Variants in DIAPH2 observed in about 807,000 individuals in gnomAD.
The protein encoded by DIAPH2 is protein diaphanous homolog 2.
In DIAPH2, 35 loss-of-function variants were observed where a neutral mutation model predicts 92.7. The ratio of observed to expected loss-of-function variants is 0.38; its 90% confidence interval spans 0.29 to 0.50. The LOEUF (loss-of-function observed/expected upper bound fraction) is 0.50. DIAPH2 is among the 20% of genes least tolerant of loss of function. The pLI, the probability that DIAPH2 is intolerant of heterozygous loss-of-function variation, is 0.94. For synonymous variants in DIAPH2, 301 were observed against 280.4 expected (o/e 1.07, Z -0.73); for missense variants, 701 against 819.5 (o/e 0.86, Z 1.77).
At chrX:97,237,254 C>T (rs1310360325) in intron 22 of DIAPH2, among the ~76,000 whole-genome samples, 1 of 112,054 alleles carries the variant, frequency 8.9e-6, no homozygotes, top group Admixed American at 9.5e-5. Flanking sequence ...TGACAACCTA[C>T]ACTTTTATCA....
At chrX:97,070,314 A>C (rs11092135) in intron 17 of DIAPH2, among the ~76,000 whole-genome samples, 34,421 of 110,631 alleles carry the variant, frequency 0.31, 4,893 homozygotes, top group South Asian at 0.52. Context: ...TCAAAACTTA[A>C]AAAAACTTTT....
intron 25 of DIAPH2, among the ~76,000 whole-genome samples, chrX:97,426,128 ACTC>A (rs1176989661): frequency 1.8e-5 from 2 of 109,174 alleles, no homozygotes; most frequent in African/African-American, 3.3e-5. Flanking sequence ...GGTCATCTAA[ACTC>A]CTCTCCTTAA....
At position 96,773,225 on chromosome X, in the gene DIAPH2, G is replaced by A. The variant is rs940663043; in HGVS notation, c.447+14967G>A. ...GGAATGAGAAAAGCTATGTGTTACC[G>A]GCTGAATTGTTTCCCCCCCCCTCCC... On this transcript the variant is annotated intron_variant, in intron 4 of 26. Transcript: ENST00000324765. Among the ~76,000 whole-genome samples the A allele has an allele frequency of 1.7e-4, 18 of 105,493 alleles. 1 individual carries two copies. Among genetic ancestry groups the A allele is most frequent in the African/African-American group, 5.5e-4 (16 of 29,012 alleles). The allele number at this position is 105,493 out of a possible 115,157, so 91.6% of individuals were successfully genotyped here.
chrX:96,874,788 T>A (rs1244794448), intron 4 of DIAPH2, among the ~76,000 whole-genome samples: 2 of 112,214 alleles, frequency 1.8e-5, no homozygotes, highest in Non-Finnish European at 3.8e-5. Context: ...GAGTAATTAT[T>A]TGAAATTATT....
At chrX:97,220,519 G>A (rs1016918332) in intron 22 of DIAPH2, among the ~76,000 whole-genome samples, 10 of 111,684 alleles carry the variant, frequency 9.0e-5, no homozygotes, top group South Asian at 3.8e-4. Context: ...CCACCCCATC[G>A]CAGATTACAG....
chrX:96,858,918 A>C (rs1414622797), intron 4 of DIAPH2, among the ~76,000 whole-genome samples: 1 of 111,763 alleles, frequency 8.9e-6, no homozygotes, highest in Non-Finnish European at 1.9e-5. Flanking sequence ...ACAACCAAGA[A>C]AAACTTGTTA....
intron 4 of DIAPH2, among the ~76,000 whole-genome samples, chrX:96,857,449 A>G (rs912451171): frequency 4.4e-5 from 5 of 112,568 alleles, no homozygotes; most frequent in African/African-American, 1.6e-4. Flanking sequence ...GTGTTTCAAA[A>G]TATTATTTCT....
At position 96,949,025 on chromosome X, in the gene DIAPH2, C is replaced by G. The variant is rs375631693; in HGVS notation, c.1600C>G (p.Gln534Glu). 9.3e-6 allele frequency: 11 copies of G among 1,185,050 alleles called. No homozygotes were observed. The highest frequency in any genetic ancestry group is 1.3e-5 in the Non-Finnish European group (11 of 877,050). ...CAAAGAACTTGAAGCAGAAATCCAG[C>G]AACTTCGAACCCAGGTAATGAAAGA... Reference protein sequence around the residue: ...KIKELEAEIQQLRTQAQVLSS... With the variant: ...KIKELEAEIQELRTQAQVLSS... Residue 534 changes from glutamine (Q) to glutamate (E), a missense_variant, in exon 15 of 27, where the codon CAA becomes GAA. This residue lies in a region of DIAPH2 where 536 missense variants were observed against 599.3 expected (regional missense o/e 0.89). Coordinates refer to ENST00000324765, the MANE Select transcript of DIAPH2 (RefSeq NM_006729.5).
At chrX:97,251,435 C>CT (rs754141574) in intron 23 of DIAPH2, among the ~76,000 whole-genome samples, 1,948 of 98,978 alleles carry the variant, frequency 0.02, 42 homozygotes, top group African/African-American at 0.065. Flanking sequence ...GTGAAGGTCT[C>CT]TTTTTTTTTT....
intron 4 of DIAPH2, among the ~76,000 whole-genome samples, chrX:96,865,626 G>A (rs1036180584): frequency 3.6e-5 from 4 of 112,137 alleles, no homozygotes; most frequent in African/African-American, 1.3e-4. Context: ...GCCCCTGGAA[G>A]GAGTCCAAAT....
In DIAPH2 at chrX:96,782,263, C is replaced by A. The variant is rs189417066; in HGVS notation, c.447+24005C>A. 1.5e-3 allele frequency among the ~76,000 whole-genome samples: 157 copies of A among 108,218 alleles called. 1 individual carries two copies. Among genetic ancestry groups the A allele is most frequent in the African/African-American group, 5.2e-3 (153 of 29,640 alleles). 94.0% of individuals were successfully genotyped at this position (108,218 alleles called of 115,157 possible). A position where few individuals can be genotyped will look rare whatever the true frequency, so the allele number is the denominator to read the frequency against. ...ACAGGTGCATGCCACCACACCCGGC[C>A]AATTGTTTTGTATTTTTGTTTGTTT... On this transcript the variant is annotated intron_variant, in intron 4 of 26. Coordinates refer to ENST00000324765, the MANE Select transcript of DIAPH2 (RefSeq NM_006729.5).
At chrX:96,908,889 G>A (rs951317968) in intron 5 of DIAPH2, among the ~76,000 whole-genome samples, 6 of 111,917 alleles carry the variant, frequency 5.4e-5, no homozygotes, top group East Asian at 2.8e-4. Flanking sequence ...GTGAGCCACC[G>A]CTCCCGGCCC....
intron 1 of DIAPH2, among the ~76,000 whole-genome samples, chrX:96,686,991 T>G (rs542587173): frequency 8.9e-6 from 1 of 111,871 alleles, no homozygotes; most frequent in Middle Eastern, 4.6e-3. Context: ...AAATTATTTG[T>G]GTAGGTGATC....
intron 4 of DIAPH2, among the ~76,000 whole-genome samples, chrX:96,806,744 ATT>A (rs199907409): frequency 3.5e-4 from 30 of 86,523 alleles, no homozygotes; most frequent in African/African-American, 6.1e-4. Context: ...TGGTTTCTGC[ATT>A]TTTTTTTTTT....
intron 4 of DIAPH2, among the ~76,000 whole-genome samples, chrX:96,820,845 G>C (rs1006826307): frequency 1.8e-5 from 2 of 111,873 alleles, no homozygotes; most frequent in African/African-American, 6.5e-5. Flanking sequence ...GGAAAGATGT[G>C]ATAGTGATAG....
intron 4 of DIAPH2, among the ~76,000 whole-genome samples, chrX:96,763,768 T>C (rs1304262698): frequency 9.0e-6 from 1 of 111,631 alleles, no homozygotes; most frequent in African/African-American, 3.3e-5. Context: ...TACACTATTA[T>C]ATAACACGCC....
chrX:97,334,320 G>A (rs1345490686), intron 23 of DIAPH2, among the ~76,000 whole-genome samples: 6 of 109,830 alleles, frequency 5.5e-5, no homozygotes, highest in African/African-American at 2.0e-4. Flanking sequence ...AAAATTAGCC[G>A]AGCGTGGTGG....
chrX:97,196,844 T>A (rs1223494732), intron 22 of DIAPH2, among the ~76,000 whole-genome samples: 1 of 106,233 alleles, frequency 9.4e-6, no homozygotes, highest in African/African-American at 3.5e-5. Flanking sequence ...TGGAGTGCAG[T>A]GGTGTGATTT....
intron 17 of DIAPH2, among the ~76,000 whole-genome samples, chrX:97,017,015 G>T (rs778093577): frequency 9.0e-6 from 1 of 111,702 alleles, no homozygotes; most frequent in East Asian, 2.8e-4. Context: ...CCTCCATCAT[G>T]GTGGTGGGTA....
Sources: gnomAD v4.1 joint callset for allele counts (sites outside exome capture counted in the v4.1 genomes callset) on GRCh38, gnomAD v4.1.1 for gene constraint, gnomAD v4.1.1 regional missense constraint, MANE v1.5 for transcripts, NCBI Gene and HGNC (gene_info 2026-07-23, HGNC 2026-07-21) for gene names.